The following PBX1 variants were observed in gnomAD, a reference collection of about 807,000 sequenced individuals.
PBX1 encodes pre-B-cell leukemia transcription factor 1.
Under a neutral mutation model 53.4 loss-of-function variants are expected in PBX1, and 6 were observed. The ratio of observed to expected loss-of-function variants is 0.11; its 90% CI spans 0.06 to 0.22. PBX1 has a LOEUF of 0.22. Ranked by LOEUF, PBX1 falls within the 10% of genes least tolerant of loss-of-function variation. PBX1 has a pLI of 1.00. For missense variants in PBX1, 251 were observed against 551.4 expected (o/e 0.46, Z 5.46); for synonymous variants, 204 against 212.3 (o/e 0.96, Z 0.34).
At chr1:164,750,956 G>T (rs921870550) in intron 2 of PBX1, among the ~76,000 whole-genome samples, 5 of 152,178 alleles carry the variant, frequency 3.3e-5, no homozygotes, top group South Asian at 2.1e-4. Flanking sequence ...TTTAAATAGG[G>T]TCTAGGGATC....
At chr1:164,689,599 A>G (rs1463608056) in intron 2 of PBX1, among the ~76,000 whole-genome samples, 3 of 152,182 alleles carry the variant, frequency 2.0e-5, no homozygotes, top group Non-Finnish European at 4.4e-5. Flanking sequence ...CCCAAGAGGG[A>G]ATGAGAAGGA....
chr1:164,700,274 T>C (rs1320610516), intron 2 of PBX1, among the ~76,000 whole-genome samples: 1 of 152,134 alleles, frequency 6.6e-6, no homozygotes, highest in Admixed American at 6.6e-5. Flanking sequence ...TAGCAGCCTG[T>C]ACATCAGAGA....
intron 2 of PBX1, among the ~76,000 whole-genome samples, chr1:164,647,730 G>A (rs1249838468): frequency 2.6e-5 from 4 of 151,982 alleles, no homozygotes; most frequent in Non-Finnish European, 5.9e-5. Context: ...AAATATTACT[G>A]GTGCCTGGGA....
At chr1:164,631,691 A>G (rs1019219475) in intron 2 of PBX1, among the ~76,000 whole-genome samples, 3 of 152,244 alleles carry the variant, frequency 2.0e-5, no homozygotes, top group African/African-American at 7.2e-5. Flanking sequence ...TTTAGTAGAC[A>G]GATGCATCCA....
chr1:164,870,270 T>C (rs10918085), intron 2 of PBX1, among the ~76,000 whole-genome samples: 1,606 of 20,876 alleles, frequency 0.077, 54 homozygotes, highest in Admixed American at 0.15. Flanking sequence ...TCCTTCCTTC[T>C]TTCTTTCTTT....
At chr1:164,783,038 G>A (rs1668007904) in intron 2 of PBX1, among the ~76,000 whole-genome samples, 1 of 152,164 alleles carries the variant, frequency 6.6e-6, no homozygotes, top group Non-Finnish European at 1.5e-5. Flanking sequence ...TCTGACACAA[G>A]GTGAGATTAC....
chr1:164,680,643 A>G (rs1661705422), intron 2 of PBX1: 1 of 152,192 alleles, frequency 6.6e-6, no homozygotes, highest in South Asian at 2.1e-4. Flanking sequence ...GATAATTATT[A>G]TTTTACAAAA....
intron 2 of PBX1, among the ~76,000 whole-genome samples, chr1:164,616,452 A>C (rs1657286979): frequency 2.0e-5 from 3 of 152,212 alleles, no homozygotes; most frequent in Admixed American, 2.0e-4. Flanking sequence ...ATTACTTAGC[A>C]TTATCTTGGG....
chr1:164,758,952 G>C (rs1666668496), intron 2 of PBX1, among the ~76,000 whole-genome samples: 2 of 152,122 alleles, frequency 1.3e-5, no homozygotes, highest in South Asian at 4.2e-4. Flanking sequence ...GCAAAGGCAG[G>C]AAAAACAAAT....
At chr1:164,669,789 C>T (rs761852259) in intron 2 of PBX1, among the ~76,000 whole-genome samples, 1 of 152,166 alleles carries the variant, frequency 6.6e-6, no homozygotes, top group Admixed American at 6.5e-5. Flanking sequence ...CCATGTTGGG[C>T]ATTGTCACAG....
chr1:164,864,679 G>A lies in PBX1; in HGVS notation n.257+33196G>A, dbSNP rs538433837. On this transcript the variant is annotated intron_variant and non_coding_transcript_variant, in intron 2 of 2. Coordinates refer to the PBX1 transcript ENST00000558796. Reference sequence around the variant, plus strand: ...GGACCTTGGCTGTCCTGCTATTGCCGTGGGTCAGCCTGGCCTATCCCAGGG... The same window carrying A: ...GGACCTTGGCTGTCCTGCTATTGCCATGGGTCAGCCTGGCCTATCCCAGGG... Among the ~76,000 whole-genome samples, 14 of 152,268 alleles carry A rather than the reference G, an allele frequency of 9.2e-5. No individual in the cohort carries two copies. The East Asian group carries it at 9.7e-4, about 11-fold the overall frequency.
chr1:164,582,462 C>T (rs1236006249), intron 2 of PBX1, among the ~76,000 whole-genome samples: 28 of 143,484 alleles, frequency 2.0e-4, no homozygotes, highest in Non-Finnish European at 3.6e-4. Flanking sequence ...CGCTCTTGTT[C>T]CCCAGGCTGG....
chr1:164,867,630 C>T (rs192718337), intron 2 of PBX1, among the ~76,000 whole-genome samples: 2 of 152,218 alleles, frequency 1.3e-5, no homozygotes, highest in Admixed American at 6.5e-5. Flanking sequence ...GGAGGGTTCA[C>T]GAAACATTTG....
chr1:164,788,944 C>A (rs768292530), intron 2 of PBX1, among the ~76,000 whole-genome samples: 25 of 152,074 alleles, frequency 1.6e-4, no homozygotes, highest in Non-Finnish European at 3.7e-4. Context: ...ATTCAAATTT[C>A]TTTTTAGGGA....
At chr1:164,610,001 C>T (rs534670556) in intron 2 of PBX1, among the ~76,000 whole-genome samples, 6 of 152,258 alleles carry the variant, frequency 3.9e-5, no homozygotes, top group Middle Eastern at 3.4e-3. Context: ...CCCCCAAGAC[C>T]GGAACCTGTT....
intron 2 of PBX1, among the ~76,000 whole-genome samples, chr1:164,881,152 G>A (rs529269320): frequency 2.2e-4 from 34 of 152,118 alleles, no homozygotes; most frequent in Non-Finnish European, 3.7e-4. Flanking sequence ...TAATCCTCCC[G>A]GGAGTCTGGA....
At chr1:164,609,072 A>T (rs1000112028) in intron 2 of PBX1, among the ~76,000 whole-genome samples, 4 of 152,192 alleles carry the variant, frequency 2.6e-5, no homozygotes, top group African/African-American at 9.7e-5. Flanking sequence ...TTCAGACAAT[A>T]AATCCCCCTT....
At chr1:164,825,395 C>T (rs1188569597) in intron 8 of PBX1, among the ~76,000 whole-genome samples, 1 of 152,114 alleles carries the variant, frequency 6.6e-6, no homozygotes, top group Non-Finnish European at 1.5e-5. Context: ...TGTGTATGGT[C>T]CTAAAAATGC....
chr1:164,626,522 G>A (rs1430622364), intron 2 of PBX1, among the ~76,000 whole-genome samples: 2 of 152,274 alleles, frequency 1.3e-5, no homozygotes, highest in East Asian at 3.9e-4. Flanking sequence ...CTGTAGGAAA[G>A]GCAATGATGT....
Sources: allele counts gnomAD v4.1 joint callset (sites outside exome capture counted in the v4.1 genomes callset), GRCh38; gene constraint gnomAD v4.1.1; transcripts MANE v1.5; gene names NCBI Gene and HGNC (gene_info 2026-07-23, HGNC 2026-07-21).